VAV2: variants seen among roughly 807,000 people sequenced by gnomAD.
VAV2 encodes guanine nucleotide exchange factor VAV2.
Under a neutral mutation model 132.5 loss-of-function variants are expected in VAV2, and 67 were observed. The observed-to-expected ratio is 0.51, with a 90% CI of 0.42 to 0.62. The LOEUF (loss-of-function observed/expected upper bound fraction) is 0.62, where lower values mean the gene tolerates loss of function less well. Ranked by LOEUF, VAV2 falls within the 20% of genes least tolerant of loss-of-function variation. The pLI, the probability that VAV2 is intolerant of heterozygous loss-of-function variation, is 0.00. For synonymous variants in VAV2, 492 were observed against 443.5 expected, an observed-to-expected ratio of 1.11 and a Z score of -1.37; for missense variants, 938 against 1,153.6, an observed-to-expected ratio of 0.81 and a Z score of 2.71.
At chr9:133,817,532 T>C (rs1265730273) in intron 4 of VAV2, among the ~76,000 whole-genome samples, 1 of 152,136 alleles carries the variant, frequency 6.6e-6, no homozygotes, top group Non-Finnish European at 1.5e-5. Flanking sequence ...TGTTTGAGCC[T>C]GGGAGGTGGA....
chr9:133,844,827 T>C (rs934346970), intron 3 of VAV2, among the ~76,000 whole-genome samples: 2 of 152,200 alleles, frequency 1.3e-5, no homozygotes, highest in African/African-American at 2.4e-5. Flanking sequence ...GAGGCAAGGC[T>C]TGGGTCTGCC....
At position 133,991,594 on chromosome 9, in the gene VAV2, C is replaced by T. The variant is rs1843020425; in HGVS notation, c.204+481G>A. 6.6e-6 allele frequency among the ~76,000 whole-genome samples: 1 copy of T among 151,600 alleles called. No individual in the cohort carries two copies. Among genetic ancestry groups the T allele is most frequent in the Admixed American group, 6.6e-5 (1 of 15,208 alleles). ...CTCCCTCCGGCCCCGAGGGCTCCCG[C>T]CCCGCGCCCCTCCCGGGCCCTCCAG... On this transcript the variant is annotated intron_variant, in intron 1 of 29. Transcript: ENST00000371850. This position sits in a 1 kb window ranked among gnomAD's most constrained non-coding sequence, Gnocchi z 4.8.
At chr9:133,880,656 A>C (rs1342233023) in intron 2 of VAV2, among the ~76,000 whole-genome samples, 1 of 152,232 alleles carries the variant, frequency 6.6e-6, no homozygotes, top group Non-Finnish European at 1.5e-5. Flanking sequence ...AGGAAGCCAG[A>C]GTCACTTCAG....
chr9:133,797,986 A>G (rs1229278145), intron 9 of VAV2, among the ~76,000 whole-genome samples, 177 bp from the exon 10 acceptor site: 3 of 151,980 alleles, frequency 2.0e-5, no homozygotes, highest in African/African-American at 7.3e-5. Context: ...CCCCTTCCCG[A>G]AGCTACCGGG....
intron 1 of VAV2, among the ~76,000 whole-genome samples, chr9:133,948,532 C>T (rs111564551): frequency 8.5e-5 from 13 of 152,206 alleles, no homozygotes; most frequent in Non-Finnish European, 1.5e-4. Flanking sequence ...AGGCGGCCCG[C>T]GTGCCCTCAG....
At chr9:133,778,107 C>T (rs1378620123) in intron 22 of VAV2, among the ~76,000 whole-genome samples, 2 of 152,074 alleles carry the variant, frequency 1.3e-5, no homozygotes, top group South Asian at 2.1e-4. Flanking sequence ...GGGGTCTCAG[C>T]GTGTCAAGAG....
At chr9:133,982,791 G>GT (rs1380362001) in intron 1 of VAV2, among the ~76,000 whole-genome samples, 2 of 152,178 alleles carry the variant, frequency 1.3e-5, no homozygotes, top group African/African-American at 2.4e-5. Flanking sequence ...TGGGGGAAGC[G>GT]TAAGAGTAAT....
intron 15 of VAV2, among the ~76,000 whole-genome samples, chr9:133,787,663 G>A (rs1260320070): frequency 6.9e-6 from 1 of 143,888 alleles, no homozygotes; most frequent in East Asian, 2.1e-4. Context: ...GCCATGGGCA[G>A]AAGCCTCAGC....
At chr9:133,851,050 C>T (rs1837147914) in intron 3 of VAV2, among the ~76,000 whole-genome samples, 1 of 152,238 alleles carries the variant, frequency 6.6e-6, no homozygotes, top group Non-Finnish European at 1.5e-5. Flanking sequence ...TGCTGAGGCA[C>T]ATTTTTCTCC....
chr9:133,978,881 C>A (rs1004072825), intron 1 of VAV2, among the ~76,000 whole-genome samples: 1 of 152,252 alleles, frequency 6.6e-6, no homozygotes, highest in African/African-American at 2.4e-5. Flanking sequence ...TCCTTCAGAA[C>A]ACGAAGCTTC....
At chr9:133,842,236 G>A (rs1330017010) in intron 3 of VAV2, among the ~76,000 whole-genome samples, 3 of 152,300 alleles carry the variant, frequency 2.0e-5, no homozygotes, top group South Asian at 2.1e-4. Context: ...CCACTTGGCC[G>A]GTACAGAAAG....
chr9:133,834,796 G>A lies in VAV2; in HGVS notation c.381-456C>T, dbSNP rs1012807813. Among the ~76,000 whole-genome samples, 6 of 152,324 alleles carry A rather than the reference G, an allele frequency of 3.9e-5. No individual in the cohort carries two copies. Among genetic ancestry groups the A allele is most frequent in the Non-Finnish European group, 5.9e-5 (4 of 68,022 alleles). ...AGGAGAGGAAGCAGGAGGGGACTCC[G>A]GAAGGGAGGGGTGACTTCTGAGGCA... On this transcript the variant is annotated intron_variant, in intron 3 of 29. Transcript: ENST00000371850. The surrounding 1 kb of genome is among the most constrained non-coding windows in gnomAD (Gnocchi z 5.9).
intron 8 of VAV2, 107 bp from the exon 9 acceptor site, chr9:133,806,288 AG>A: frequency 9.2e-7 from 1 of 1,091,254 alleles, no homozygotes; most frequent in Non-Finnish European, 1.3e-6. Context: ...CAAGGAGGGG[AG>A]GGGCCCGGGT....
intron 1 of VAV2, among the ~76,000 whole-genome samples, chr9:133,964,768 A>G (rs1478614305): frequency 1.3e-5 from 2 of 152,244 alleles, no homozygotes; most frequent in Non-Finnish European, 2.9e-5. Context: ...ATAAAATTCA[A>G]TATCATTTTG....
At chr9:133,864,790 A>G (rs1837736293) in intron 2 of VAV2, among the ~76,000 whole-genome samples, 1 of 152,158 alleles carries the variant, frequency 6.6e-6, no homozygotes, top group South Asian at 2.1e-4. Flanking sequence ...CCAATTGTCC[A>G]CTTGTGGACT....
Position 133,912,724 on chromosome 9 carries a change from G to A in VAV2, c.321+26379C>T, listed in dbSNP as rs1185989098. Reference sequence around the variant, plus strand: ...TGCAGTCACCGGTGGTTGACTATTAGGGGGGATAGTTGTGTTCTTTTATTT... The same window carrying A: ...TGCAGTCACCGGTGGTTGACTATTAAGGGGGATAGTTGTGTTCTTTTATTT... On this transcript the variant is annotated intron_variant, in intron 2 of 29. Coordinates refer to ENST00000371850, the MANE Select transcript of VAV2 (RefSeq NM_001134398.2). This position sits in a 1 kb window ranked among gnomAD's most constrained non-coding sequence, Gnocchi z 4.3. Among the ~76,000 whole-genome samples, 1 of 152,104 alleles carries A rather than the reference G, an allele frequency of 6.6e-6. No individual in the cohort carries two copies.
chr9:133,930,514 CCATA>C (rs1840646865), intron 2 of VAV2, among the ~76,000 whole-genome samples: 2 of 152,266 alleles, frequency 1.3e-5, no homozygotes, highest in Non-Finnish European at 2.9e-5. Context: ...CGTGCGCCTT[CCATA>C]CAGACAACTG....
chr9:133,927,576 C>A (rs1465650508), intron 2 of VAV2, among the ~76,000 whole-genome samples: 1 of 152,184 alleles, frequency 6.6e-6, no homozygotes, highest in South Asian at 2.1e-4. Context: ...GCCACACACC[C>A]ACACCCAGCA....
chr9:133,797,688 GC>G, intron 10 of VAV2, 21 bp downstream of exon 10: 1 of 1,604,206 alleles, frequency 6.2e-7, no homozygotes, highest in Non-Finnish European at 8.5e-7. Flanking sequence ...CAGGGCCAGG[GC>G]CAACGCCTGG....
Sources: gnomAD v4.1 joint callset for allele counts (sites outside exome capture counted in the v4.1 genomes callset) on GRCh38, gnomAD v4.1.1 for gene constraint, Gnocchi (gnomAD v3.1) non-coding constraint, MANE v1.5 for transcripts, NCBI Gene and HGNC (gene_info 2026-07-23, HGNC 2026-07-21) for gene names.